The following TNRC6B variants were observed in gnomAD, a reference collection of about 807,000 sequenced individuals.
The protein encoded by TNRC6B is trinucleotide repeat-containing gene 6B protein.
Under a neutral mutation model 203.6 loss-of-function variants are expected in TNRC6B, and 52 were observed. The ratio of observed to expected loss-of-function variants is 0.26; its 90% CI spans 0.20 to 0.32. The LOEUF is 0.32. Ranked by LOEUF, TNRC6B falls within the 10% of genes least tolerant of loss-of-function variation. The pLI is 1.00. For missense variants in TNRC6B, 1,923 were observed against 2,286.2 expected (o/e 0.84, Z 3.24); for synonymous variants, 838 against 845.7 (o/e 0.99, Z 0.16).
At chr22:40,311,029 T>C (rs767961236) in intron 17 of TNRC6B, 36 bp downstream of exon 17, 1 of 1,577,486 alleles carries the variant, frequency 6.3e-7, no homozygotes, top group South Asian at 1.2e-5. Flanking sequence ...AGGATAGCAT[T>C]TGTTTTGTAA....
Position 40,335,754 on chromosome 22 carries a change from TGGGTTCCTG to T in TNRC6B, c.*12515_*12523del. On this transcript the variant is annotated 3_prime_UTR_variant, in exon 23 of 23. Transcript: ENST00000454349. ...TTACATTATAACTACAAAATATTTT[TGGGTTCCTG>T]GAAAAAAAAGAAAAAAGACTAATAA... The T allele has an allele frequency of 1.1e-5, 1 of 95,180 alleles. No homozygotes were observed. The allele number at this position is 95,180 out of a possible 1,614,324, so 5.9% of individuals were successfully genotyped here. A position where few individuals can be genotyped will look rare whatever the true frequency, so the allele number is the denominator to read the frequency against.
At chr22:40,149,659 A>G (rs886072771) in intron 3 of TNRC6B, among the ~76,000 whole-genome samples, 1 of 134,160 alleles carries the variant, frequency 7.5e-6, no homozygotes, top group Admixed American at 8.9e-5. Context: ...ACAGAGCGAG[A>G]CTCCGTCTCC....
At chr22:40,180,472 A>C (rs1365736417) in intron 1 of TNRC6B, among the ~76,000 whole-genome samples, 1 of 152,206 alleles carries the variant, frequency 6.6e-6, no homozygotes, top group African/African-American at 2.4e-5. Context: ...AATGTTTTTT[A>C]TAAATATTCT....
intron 1 of TNRC6B, among the ~76,000 whole-genome samples, chr22:40,082,482 G>GC (rs2068070278): frequency 6.6e-6 from 1 of 152,222 alleles, no homozygotes; most frequent in Non-Finnish European, 1.5e-5. Context: ...ATGTTGGAGA[G>GC]CAGGTAAACA....
At chr22:40,196,077 T>A (rs1383784058) in intron 1 of TNRC6B, among the ~76,000 whole-genome samples, 1 of 18,414 alleles carries the variant, frequency 5.4e-5, no homozygotes, top group Non-Finnish European at 9.0e-5. Flanking sequence ...GCGTCCAGCC[T>A]TTTTTTTTTT....
rs1277002942 is a variant in TNRC6B, at chr22:40,326,343, T to G, written c.*3102T>G. Reference sequence around the variant, plus strand: ...TGTAAAAAGAAAAGTCTCCAAACATTATTGTCATACTGGGGATCACACATT... The same window carrying G: ...TGTAAAAAGAAAAGTCTCCAAACATGATTGTCATACTGGGGATCACACATT... On this transcript the variant is annotated 3_prime_UTR_variant, in exon 23 of 23. Transcript: ENST00000454349. 6.6e-6 allele frequency: 1 copy of G among 152,602 alleles called. No homozygotes were observed. The highest frequency in any genetic ancestry group is 1.5e-5 in the Non-Finnish European group (1 of 68,030). 9.5% of individuals were successfully genotyped at this position (152,602 alleles called of 1,614,324 possible). A position where few individuals can be genotyped will look rare whatever the true frequency, so the allele number is the denominator to read the frequency against.
At chr22:40,314,882 T>G (rs1321415403) in intron 19 of TNRC6B, among the ~76,000 whole-genome samples, 3 of 152,262 alleles carry the variant, frequency 2.0e-5, no homozygotes, top group Non-Finnish European at 4.4e-5. Context: ...CTAATTACTT[T>G]CTATTCAGTC....
chr22:40,276,311 C>T (rs999951536), intron 7 of TNRC6B, among the ~76,000 whole-genome samples: 3 of 151,350 alleles, frequency 2.0e-5, no homozygotes, highest in Non-Finnish European at 4.4e-5. Flanking sequence ...GGCACCACTG[C>T]ACTCTAGCCT....
intron 11 of TNRC6B, among the ~76,000 whole-genome samples, chr22:40,283,580 C>CT (rs2070744960): frequency 6.6e-6 from 1 of 152,172 alleles, no homozygotes; most frequent in South Asian, 2.1e-4. Flanking sequence ...AAATGAGCAG[C>CT]TTGTGATGCC....
chr22:40,143,447 TAAG>T (rs1159801725), intron 3 of TNRC6B, among the ~76,000 whole-genome samples: 2 of 151,884 alleles, frequency 1.3e-5, no homozygotes, highest in South Asian at 4.2e-4. Flanking sequence ...AAAAATCAAA[TAAG>T]AATATGGAAA....
At chr22:40,190,027 TA>T (rs1402782678) in intron 1 of TNRC6B, among the ~76,000 whole-genome samples, 1 of 152,238 alleles carries the variant, frequency 6.6e-6, no homozygotes, top group Non-Finnish European at 1.5e-5. Flanking sequence ...TCACAGGTGC[TA>T]AAGTTTGGCA....
chr22:40,202,946 G>A (rs1443654574), intron 1 of TNRC6B, among the ~76,000 whole-genome samples: 1 of 152,048 alleles, frequency 6.6e-6, no homozygotes, highest in East Asian at 1.9e-4. Context: ...TTTCACTAAT[G>A]TTTGATCTAA....
chr22:40,143,690 G>A (rs2068664886), intron 3 of TNRC6B, among the ~76,000 whole-genome samples: 1 of 152,098 alleles, frequency 6.6e-6, no homozygotes, highest in Non-Finnish European at 1.5e-5. Flanking sequence ...TAGAGACAGG[G>A]TTTCACCGTG....
At chr22:40,100,540 G>A (rs1165697121) in intron 1 of TNRC6B, among the ~76,000 whole-genome samples, 2 of 151,984 alleles carry the variant, frequency 1.3e-5, no homozygotes, top group African/African-American at 4.8e-5. Context: ...CACCATGTCA[G>A]GCTAATTAAA....
chr22:40,045,268 G>C (rs1184879668), intron 1 of TNRC6B, among the ~76,000 whole-genome samples: 1 of 146,250 alleles, frequency 6.8e-6, no homozygotes, highest in African/African-American at 2.5e-5. Flanking sequence ...CGAGATTTGA[G>C]TCGAGGGGCG....
At chr22:40,161,225 T>A (rs1259263725) in intron 4 of TNRC6B, among the ~76,000 whole-genome samples, 1 of 152,218 alleles carries the variant, frequency 6.6e-6, no homozygotes, top group African/African-American at 2.4e-5. Context: ...GGTTTTCTAT[T>A]TTAGTTTTTA....
intron 11 of TNRC6B, 122 bp downstream of exon 11, chr22:40,281,411 T>TA: frequency 1.3e-6 from 1 of 763,046 alleles, no homozygotes; most frequent in East Asian, 3.1e-5. Context: ...CACAGAATGA[T>TA]ATTAAGTGTA....
At chr22:40,138,702 A>G (rs2068621091) in intron 3 of TNRC6B, among the ~76,000 whole-genome samples, 1 of 152,212 alleles carries the variant, frequency 6.6e-6, no homozygotes. Flanking sequence ...AGGAGTTCTC[A>G]GCATATAGGA....
intron 1 of TNRC6B, among the ~76,000 whole-genome samples, chr22:40,195,279 T>C (rs1319596647): frequency 3.3e-5 from 5 of 152,224 alleles, no homozygotes; most frequent in Admixed American, 3.3e-4. Flanking sequence ...TTTAGATATT[T>C]CAGATATTGA....
Sources: allele counts gnomAD v4.1 joint callset (sites outside exome capture counted in the v4.1 genomes callset), GRCh38; gene constraint gnomAD v4.1.1; transcripts MANE v1.5; gene names NCBI Gene and HGNC (gene_info 2026-07-23, HGNC 2026-07-21).